The following MARK4 variants were observed in gnomAD, a reference collection of about 807,000 sequenced individuals.
MARK4 encodes the protein MAP/microtubule affinity-regulating kinase 4.
A neutral mutation model predicts 81.5 loss-of-function variants in MARK4; 19 were observed. The ratio of observed to expected loss-of-function variants is 0.23; its 90% CI spans 0.16 to 0.34. The LOEUF is 0.34. Ranked by LOEUF, MARK4 falls within the 10% of genes least tolerant of loss-of-function variation. MARK4 has a pLI of 1.00. For missense variants in MARK4, 772 were observed against 1,058.8 expected, an observed-to-expected ratio of 0.73 and a Z score of 3.76; for synonymous variants, 436 against 439.0, an observed-to-expected ratio of 0.99 and a Z score of 0.08.
Position 45,303,286 on chromosome 19 carries a change from G to A in MARK4, c.*576G>A, listed in dbSNP as rs1455311097. ...TGCCGCTGTCACCTACGGTTTTTAA[G>A]TTATTACACCCCGACCCTCCTCCTG... On this transcript the variant is annotated 3_prime_UTR_variant, in exon 17 of 17. Transcript: ENST00000262891. 1 of 154,734 alleles carries A rather than the reference G, an allele frequency of 6.5e-6. No individual in the cohort carries two copies. The highest frequency in any genetic ancestry group is 1.4e-5 in the Non-Finnish European group (1 of 69,592). 9.6% of individuals were successfully genotyped at this position (154,734 alleles called of 1,614,324 possible). A position where few individuals can be genotyped will look rare whatever the true frequency, so the allele number is the denominator to read the frequency against.
chr19:45,266,787 A>T (rs1169784227), intron 7 of MARK4, among the ~76,000 whole-genome samples: 1 of 141,616 alleles, frequency 7.1e-6, no homozygotes, highest in Non-Finnish European at 1.5e-5. Context: ...GGCTGGAGTG[A>T]AGTGGCGCGA....
At chr19:45,269,323 G>A (rs1013468424) in intron 7 of MARK4, among the ~76,000 whole-genome samples, 2 of 152,172 alleles carry the variant, frequency 1.3e-5, no homozygotes, top group African/African-American at 4.8e-5. Flanking sequence ...AGGTTACAGT[G>A]AGCCGAGATC....
chr19:45,299,082 AAAAAAAAAT>A (rs2123112245), intron 15 of MARK4, among the ~76,000 whole-genome samples: 2 of 132,070 alleles, frequency 1.5e-5, no homozygotes, highest in Admixed American at 1.5e-4. Flanking sequence ...AAAAAAAAAA[AAAAAAAAAT>A]TGAACAGGGA....
At position 45,298,527 on chromosome 19, in the gene MARK4, G is replaced by A. The variant is rs117293905; in HGVS notation, c.1877+573G>A. On this transcript the variant is annotated intron_variant, in intron 15 of 16. Transcript: ENST00000262891. The stretch of plus-strand genomic sequence containing the variant: ...TATTGTGAGGACTAAATGAAGTGAC[G>A]TATGGACTGAGCGTAGAACATTGCC... 9.2e-4 allele frequency among the ~76,000 whole-genome samples: 140 copies of A among 152,282 alleles called. 3 individuals are homozygous for A. The East Asian group carries it at 0.013, about 14-fold the overall frequency.
In MARK4 at chr19:45,287,556, G is replaced by T. The variant is rs768137609; in HGVS notation, c.1386G>T (p.Ala462=). The change falls in exon 13 of 17, where the codon GCG becomes GCT. Residue 462 remains alanine, a synonymous_variant. Coordinates refer to ENST00000262891, the MANE Select transcript of MARK4 (RefSeq NM_001199867.2). ...GCCGGAAGGCGAGCTGCAGCACCGC[G>T]GGGAGTGGGAGTCGAGGGCTGCCCC... ...LPGRKASCST[A]GSGSRGLPPS... The T allele has an allele frequency of 1.9e-6, 3 of 1,591,418 alleles. No homozygotes were observed. The African/African-American group carries it at 4.0e-5, about 21-fold the overall frequency.
intron 2 of MARK4, among the ~76,000 whole-genome samples, chr19:45,262,353 C>CGGG (rs959060124): frequency 1.3e-3 from 13 of 9,898 alleles, no homozygotes; most frequent in African/African-American, 4.6e-3. Flanking sequence ...GAAAAGGGGG[C>CGGG]GGGGGGGTGG....
chr19:45,258,340 T>C (rs1412611637), intron 1 of MARK4, among the ~76,000 whole-genome samples: 1 of 152,198 alleles, frequency 6.6e-6, no homozygotes, highest in East Asian at 1.9e-4. Context: ...TGTGCATTGC[T>C]TTTTTGCAGT....
chr19:45,299,850 C>A lies in MARK4; in HGVS notation c.1917C>A (p.Val639=). 6.2e-7 allele frequency: 1 copy of A among 1,605,788 alleles called. No homozygotes were observed. ...CTGAGAGAATCGGGGGACCTGAGGT[C>A]ACAAGGTGAGTGCTTGGGCCTACCC... The part of the protein sequence containing the change: ...DEPERIGGPE[V]TSCHLPWDQT... The change falls in exon 16 of 17, where the codon GTC becomes GTA. Residue 639 remains valine (V), a synonymous_variant. Coordinates refer to ENST00000262891, the MANE Select transcript of MARK4 (RefSeq NM_001199867.2).
In MARK4 at chr19:45,299,829, G is replaced by A. The variant is rs751151252; in HGVS notation, c.1896G>A (p.Glu632=). The A allele has an allele frequency of 1.2e-6, 2 of 1,605,586 alleles. No individual in the cohort carries two copies. Among genetic ancestry groups the A allele is most frequent in the East Asian group, 2.3e-5 (1 of 44,428 alleles). ...KLTRRVADEP[E]RIGGPEVTSC... ...CCCCTAGGGTCGCAGACGAACCTGA[G>A]AGAATCGGGGGACCTGAGGTCACAA... Residue 632 remains glutamate (E), a synonymous_variant, in exon 16 of 17, where the codon GAG becomes GAA. Coordinates refer to ENST00000262891, the MANE Select transcript of MARK4 (RefSeq NM_001199867.2).
In MARK4 at chr19:45,259,150, C is replaced by G. The variant is rs1457728454; in HGVS notation, c.213C>G (p.Ala71=). 6.2e-7 allele frequency: 1 copy of G among 1,614,178 alleles called. No homozygotes were observed. Among genetic ancestry groups the G allele is most frequent in the South Asian group, 1.1e-5 (1 of 91,084 alleles). Reference sequence around the variant, plus strand: ...GGACCATTGGGAAGGGCAACTTTGCCAAAGTCAAGCTGGCTCGGCACATCC... The same window carrying G: ...GGACCATTGGGAAGGGCAACTTTGCGAAAGTCAAGCTGGCTCGGCACATCC... ...LLRTIGKGNF[A]KVKLARHILT... The change falls in exon 2 of 17, where the codon GCC becomes GCG. Residue 71 remains alanine (A), a synonymous_variant. Coordinates refer to ENST00000262891, the MANE Select transcript of MARK4 (RefSeq NM_001199867.2).
chr19:45,253,166 T>G (rs1970265471), intron 1 of MARK4, among the ~76,000 whole-genome samples: 2 of 148,284 alleles, frequency 1.3e-5, no homozygotes, highest in Admixed American at 6.8e-5. Context: ...TCCCCCTGTT[T>G]CCCTCACCTC....
chr19:45,262,107 G>A (rs1296743842), intron 2 of MARK4, among the ~76,000 whole-genome samples: 1 of 152,124 alleles, frequency 6.6e-6, no homozygotes, highest in Non-Finnish European at 1.5e-5. Context: ...TACTAGCCAT[G>A]TAACTTTGGC....
chr19:45,253,658 C>T (rs1425443618), intron 1 of MARK4, among the ~76,000 whole-genome samples: 6 of 152,176 alleles, frequency 3.9e-5, no homozygotes, highest in Non-Finnish European at 7.3e-5. Flanking sequence ...CTTGCAGCCT[C>T]AGTTTCCTTA....
chr19:45,263,174 T>G lies in MARK4; in HGVS notation c.306+8T>G, dbSNP rs1274167228. ...CCCAGCAGCCTGCAGAAGGTGAGGCTGGGGAGACGGGGGAGAGCAGGAGCC... is the reference window on the plus strand; with the variant it reads ...CCCAGCAGCCTGCAGAAGGTGAGGCGGGGGAGACGGGGGAGAGCAGGAGCC... On this transcript the variant is annotated splice_region_variant and intron_variant, in intron 3 of 16. Transcript: ENST00000262891. 1.9e-6 allele frequency: 3 copies of G among 1,610,410 alleles called. No homozygotes were observed. Among genetic ancestry groups the G allele is most frequent in the Non-Finnish European group, 2.5e-6 (3 of 1,178,238 alleles).
At chr19:45,298,146 T>C in intron 15 of MARK4, 192 bp downstream of exon 15, 3 of 1,613,958 alleles carry the variant, frequency 1.9e-6, no homozygotes, top group Non-Finnish European at 2.5e-6. Context: ...ACTGCAGGGT[T>C]ACCCTCGATC....
chr19:45,258,837 TAG>T, intron 1 of MARK4, 150 bp from the exon 2 acceptor site: 1 of 785,290 alleles, frequency 1.3e-6, no homozygotes, highest in Non-Finnish European at 2.0e-6. Flanking sequence ...CGTCTTTTTG[TAG>T]AGAAAGATGA....
At chr19:45,291,918 T>C (rs1029712953) in intron 13 of MARK4, among the ~76,000 whole-genome samples, 1 of 152,190 alleles carries the variant, frequency 6.6e-6, no homozygotes, top group African/African-American at 2.4e-5. Context: ...GCAAAGACCT[T>C]CATCTCATAG....
Position 45,297,893 on chromosome 19 carries a change from G to A in MARK4, c.1816G>A (p.Ala606Thr), listed in dbSNP as rs201889023. Residue 606 changes from alanine to threonine, a missense_variant, in exon 15 of 17, where the codon GCC (alanine) becomes ACC (threonine). This residue lies in a region of MARK4 where 548 missense variants were observed against 624.3 expected (regional missense o/e 0.88). Coordinates refer to ENST00000262891, the MANE Select transcript of MARK4 (RefSeq NM_001199867.2). Reference sequence around the variant, plus strand: ...GGCCCATGAGGCTGCACCCCTGCCCGCCGGGCGGCCCCGCCCCACCACCAA... The same window carrying A: ...GGCCCATGAGGCTGCACCCCTGCCCACCGGGCGGCCCCGCCCCACCACCAA... ...TLAHEAAPLPAGRPRPTTNLF... is the reference protein window; with the variant it reads ...TLAHEAAPLPTGRPRPTTNLF... 2.2e-5 allele frequency: 34 copies of A among 1,549,912 alleles called. No individual in the cohort carries two copies. Among genetic ancestry groups the A allele is most frequent in the East Asian group, 1.2e-4 (5 of 40,900 alleles).
chr19:45,287,701 C>T (rs1970764095), intron 13 of MARK4, 37 bp downstream of exon 13: 2 of 1,581,142 alleles, frequency 1.3e-6, no homozygotes, highest in Non-Finnish European at 1.7e-6. Context: ...GCTGGGGGCG[C>T]CACCTGGGCC....
Sources: allele counts gnomAD v4.1 joint callset (sites outside exome capture counted in the v4.1 genomes callset), GRCh38; gene constraint gnomAD v4.1.1; regional missense constraint gnomAD v4.1.1; transcripts MANE v1.5; gene names NCBI Gene and HGNC (gene_info 2026-07-23, HGNC 2026-07-21).